SPAG16: variants seen among roughly 807,000 people sequenced by gnomAD.
The protein encoded by SPAG16 is sperm-associated antigen 16 protein.
In SPAG16, 86 loss-of-function variants were observed where a neutral mutation model predicts 80.4. That is an observed-to-expected ratio of 1.07 (90% CI 0.90 to 1.28). The LOEUF (loss-of-function observed/expected upper bound fraction) is 1.28, where lower values mean the gene tolerates loss of function less well. Ranked by LOEUF, SPAG16 falls within the 50% of genes most tolerant of loss-of-function variation. SPAG16 has a pLI of 0.00. For synonymous variants in SPAG16, 294 were observed against 265.9 expected (o/e 1.11, Z -1.03); for missense variants, 870 against 765.3 (o/e 1.14, Z -1.61).
At chr2:214,171,485 C>T (rs1161495619) in intron 15 of SPAG16, among the ~76,000 whole-genome samples, 1 of 151,920 alleles carries the variant, frequency 6.6e-6, no homozygotes, top group Non-Finnish European at 1.5e-5. Flanking sequence ...TCACAGAAAA[C>T]ATTTATTGAG....
chr2:213,997,264 G>A (rs377147219), intron 12 of SPAG16, among the ~76,000 whole-genome samples: 9 of 152,212 alleles, frequency 5.9e-5, no homozygotes, highest in Admixed American at 2.6e-4. Context: ...AGACATACCA[G>A]GGGCTCAGGA....
intron 15 of SPAG16, among the ~76,000 whole-genome samples, chr2:214,292,779 C>A (rs1693888747): frequency 6.6e-6 from 1 of 152,156 alleles, no homozygotes; most frequent in Admixed American, 6.5e-5. Context: ...GTTGCTTCTT[C>A]CAACTTTTTA....
In SPAG16 at chr2:214,410,337, G is replaced by A. The variant is rs764674396; in HGVS notation, c.*22G>A. ...TTGACCGTCAGCACATCCCGCTGCA[G>A]AGGGCATTCCCTTTAAGGCTTGAAA... On this transcript the variant is annotated 3_prime_UTR_variant, in exon 16 of 16. Transcript: ENST00000331683. 2 of 1,574,652 alleles carry A rather than the reference G, an allele frequency of 1.3e-6. No homozygotes were observed. Among genetic ancestry groups the A allele is most frequent in the South Asian group, 1.1e-5 (1 of 87,276 alleles).
intron 15 of SPAG16, among the ~76,000 whole-genome samples, chr2:214,294,684 AT>A (rs1438827250): frequency 6.6e-6 from 1 of 152,212 alleles, no homozygotes; most frequent in Non-Finnish European, 1.5e-5. Flanking sequence ...GAATTTAGTC[AT>A]AAGGACTCCA....
chr2:214,137,934 A>C (rs1013740354), intron 14 of SPAG16, among the ~76,000 whole-genome samples: 5 of 152,106 alleles, frequency 3.3e-5, no homozygotes, highest in Admixed American at 6.6e-5. Flanking sequence ...GAAAAAAAGG[A>C]CATGTTAATT....
intron 10 of SPAG16, among the ~76,000 whole-genome samples, chr2:213,587,010 A>G (rs979395344): frequency 6.6e-6 from 1 of 152,000 alleles, no homozygotes; most frequent in East Asian, 1.9e-4. Flanking sequence ...ATTGTCTGTG[A>G]TGGCCCCCAC....
At chr2:213,566,040 G>T (rs2059751950) in intron 10 of SPAG16, among the ~76,000 whole-genome samples, 1 of 152,176 alleles carries the variant, frequency 6.6e-6, no homozygotes, top group Non-Finnish European at 1.5e-5. Context: ...AGAGGTCATG[G>T]TGACTGGATA....
At chr2:213,890,169 A>C (rs1366962980) in intron 11 of SPAG16, among the ~76,000 whole-genome samples, 1 of 152,072 alleles carries the variant, frequency 6.6e-6, no homozygotes, top group Non-Finnish European at 1.5e-5. Flanking sequence ...AAGTTCAGTG[A>C]GAAGGACACT....
intron 6 of SPAG16, among the ~76,000 whole-genome samples, chr2:213,349,121 G>A (rs2065181711): frequency 6.6e-6 from 1 of 152,090 alleles, no homozygotes; most frequent in Non-Finnish European, 1.5e-5. Flanking sequence ...AATCCATGAG[G>A]CAAAGAAGAA....
In SPAG16 at chr2:214,342,575, C is replaced by T. The variant is rs116064848; in HGVS notation, c.1721-67565C>T. On this transcript the variant is annotated intron_variant, in intron 15 of 15. Coordinates refer to ENST00000331683, the MANE Select transcript of SPAG16 (RefSeq NM_024532.5). ...CCATCTAGTTGCAGGAAAACACGCT[C>T]AGGGCTCCCACTGAGTCTACATTAT... is the stretch of plus-strand genomic sequence containing the variant. 4.1e-3 allele frequency among the ~76,000 whole-genome samples: 617 copies of T among 151,988 alleles called. 7 individuals are homozygous for T. Among genetic ancestry groups the T allele is most frequent in the African/African-American group, 0.014 (574 of 41,418 alleles).
chr2:213,455,979 T>C (rs2071986234), intron 9 of SPAG16, among the ~76,000 whole-genome samples: 1 of 152,132 alleles, frequency 6.6e-6, no homozygotes, highest in Admixed American at 6.5e-5. Flanking sequence ...TTTTGAATGG[T>C]TTTTTAAGGG....
intron 13 of SPAG16, among the ~76,000 whole-genome samples, chr2:214,085,638 C>T (rs1230029596): frequency 6.6e-6 from 1 of 152,204 alleles, no homozygotes; most frequent in East Asian, 1.9e-4. Context: ...ATATTCCACT[C>T]CTCCCATTCT....
chr2:214,196,345 C>G (rs1559121665), intron 15 of SPAG16, among the ~76,000 whole-genome samples: 1 of 152,046 alleles, frequency 6.6e-6, no homozygotes, highest in African/African-American at 2.4e-5. Context: ...TGCCTTATCT[C>G]TTCTGCATCC....
chr2:213,663,583 A>T (rs2063499466), intron 10 of SPAG16, among the ~76,000 whole-genome samples: 2 of 152,098 alleles, frequency 1.3e-5, no homozygotes, highest in South Asian at 4.1e-4. Flanking sequence ...GATAACGTAT[A>T]CATAAAACAT....
chr2:214,219,801 A>G (rs2125772166), intron 15 of SPAG16, among the ~76,000 whole-genome samples: 1 of 152,300 alleles, frequency 6.6e-6, no homozygotes, highest in African/African-American at 2.4e-5. Context: ...ACTGAAATAT[A>G]TTATTGCATG....
At chr2:213,563,003 C>A (rs532864620) in intron 10 of SPAG16, among the ~76,000 whole-genome samples, 27 of 152,214 alleles carry the variant, frequency 1.8e-4, no homozygotes, top group Non-Finnish European at 1.3e-4. Flanking sequence ...GTTAGGATTT[C>A]AACATAGGAA....
chr2:213,731,982 C>A (rs2067065573), intron 10 of SPAG16, among the ~76,000 whole-genome samples: 1 of 152,076 alleles, frequency 6.6e-6, no homozygotes. Context: ...GTCATGAAAT[C>A]TTTACCTGTG....
intron 9 of SPAG16, among the ~76,000 whole-genome samples, chr2:213,382,181 T>C (rs921143035): frequency 6.6e-6 from 1 of 152,256 alleles, no homozygotes; most frequent in African/African-American, 2.4e-5. Flanking sequence ...GCAACTTACT[T>C]GTGCTTTTCT....
At chr2:213,929,595 C>T (rs1346025274) in intron 11 of SPAG16, among the ~76,000 whole-genome samples, 2 of 151,708 alleles carry the variant, frequency 1.3e-5, no homozygotes, top group African/African-American at 4.8e-5. Flanking sequence ...ACTGATTTAG[C>T]CCATGTCTGA....
Sources: allele counts gnomAD v4.1 joint callset (sites outside exome capture counted in the v4.1 genomes callset), GRCh38; gene constraint gnomAD v4.1.1; transcripts MANE v1.5; gene names NCBI Gene and HGNC (gene_info 2026-07-23, HGNC 2026-07-21).